The following HIRA variants were observed in gnomAD, a reference collection of about 807,000 sequenced individuals.
HIRA encodes protein HIRA.
In HIRA, 13 loss-of-function variants were observed where a neutral mutation model predicts 126.6. The observed-to-expected ratio is 0.10, with a 90% CI of 0.07 to 0.16. HIRA has a LOEUF of 0.16. Among genes scored for constraint, HIRA ranks in the 10% least tolerant of loss-of-function variants. The probability of loss-of-function intolerance (pLI) is 1.00; values close to 1 mark genes in which losing one functional copy is unlikely to be tolerated. For synonymous variants in HIRA, 511 were observed against 520.0 expected (o/e 0.98, Z 0.24); for missense variants, 834 against 1,314.4 (o/e 0.63, Z 5.65).
At chr22:19,390,208 T>A (rs2089165662) in intron 9 of HIRA, among the ~76,000 whole-genome samples, 1 of 151,998 alleles carries the variant, frequency 6.6e-6, no homozygotes, top group East Asian at 1.9e-4. Flanking sequence ...TACCCTTGGG[T>A]TCTCACTCGC....
At chr22:19,410,388 G>A (rs189217226) in intron 2 of HIRA, among the ~76,000 whole-genome samples, 2 of 152,176 alleles carry the variant, frequency 1.3e-5, no homozygotes, top group African/African-American at 4.8e-5. Flanking sequence ...CAGAGCCCTT[G>A]TCTCTGGGGC....
intron 2 of HIRA, among the ~76,000 whole-genome samples, chr22:19,410,132 G>T (rs2089340649): frequency 6.6e-6 from 1 of 152,224 alleles, no homozygotes; most frequent in Non-Finnish European, 1.5e-5. Flanking sequence ...TGGTATTGTG[G>T]CATGAAGAAC....
In HIRA at chr22:19,430,757, A is replaced by G. The variant is rs188970527; in HGVS notation, c.37+683T>C. On this transcript the variant is annotated intron_variant, in intron 1 of 24. Transcript: ENST00000263208. ...TGATTACCACTAGCCTCTCTGTATC[A>G]GAGTCAAGATATGGGGTGGATGAGT... Among the ~76,000 whole-genome samples the G allele has an allele frequency of 3.5e-3, 528 of 152,278 alleles. 3 individuals carry two copies. The highest frequency in any genetic ancestry group is 0.012 in the African/African-American group (512 of 41,552).
intron 5 of HIRA, among the ~76,000 whole-genome samples, chr22:19,402,763 T>C (rs1339711395): frequency 6.6e-6 from 1 of 152,182 alleles, no homozygotes; most frequent in Admixed American, 6.5e-5. Context: ...CTGTGAACTG[T>C]AATATTTGCC....
intron 5 of HIRA, chr22:19,399,119 C>T: frequency 2.0e-6 from 2 of 985,420 alleles, no homozygotes; most frequent in Non-Finnish European, 2.4e-6. Flanking sequence ...ATGGTGCCAA[C>T]CTTGCCTATC....
chr22:19,359,599 G>C, intron 17 of HIRA, 115 bp from the exon 18 acceptor site: 1 of 1,218,900 alleles, frequency 8.2e-7, no homozygotes. Context: ...AGGCAGACTG[G>C]CTGGCCAAGA....
At chr22:19,353,285 G>T in intron 23 of HIRA, 71 bp downstream of exon 23, 1 of 1,570,936 alleles carries the variant, frequency 6.4e-7, no homozygotes, top group South Asian at 1.1e-5. Context: ...TGATTTCACA[G>T]GGACTAAGTG....
At chr22:19,399,817 G>A (rs533756221) in intron 5 of HIRA, among the ~76,000 whole-genome samples, 10 of 152,222 alleles carry the variant, frequency 6.6e-5, no homozygotes, top group Non-Finnish European at 8.8e-5. Flanking sequence ...TAGTGAAAGC[G>A]TTTGTCTCTT....
intron 18 of HIRA, 22 bp from the exon 19 acceptor site, chr22:19,357,073 A>C: frequency 6.2e-7 from 1 of 1,613,120 alleles, no homozygotes; most frequent in South Asian, 1.1e-5. Context: ...GAGTGGGGGC[A>C]GGTGTCATGG....
At chr22:19,405,732 T>A (rs2089302941) in intron 5 of HIRA, 54 bp downstream of exon 5, 2 of 1,257,162 alleles carry the variant, frequency 1.6e-6, no homozygotes, top group South Asian at 4.3e-5. Context: ...GCGGTGCTGC[T>A]GATCTGAGCC....
intron 8 of HIRA, among the ~76,000 whole-genome samples, 170 bp downstream of exon 8, chr22:19,394,172 C>A (rs1231642245): frequency 6.6e-6 from 1 of 152,232 alleles, no homozygotes; most frequent in Non-Finnish European, 1.5e-5. Flanking sequence ...TAACCCAAGA[C>A]TGATTTTGGT....
intron 15 of HIRA, among the ~76,000 whole-genome samples, 194 bp from the exon 16 acceptor site, chr22:19,362,125 T>C (rs774629451): frequency 2.0e-5 from 3 of 152,198 alleles, no homozygotes; most frequent in African/African-American, 7.2e-5. Context: ...CCGGAATCTG[T>C]TGCCAGAAGA....
intron 5 of HIRA, among the ~76,000 whole-genome samples, chr22:19,401,328 C>T (rs1046112713): frequency 1.3e-5 from 2 of 152,178 alleles, no homozygotes; most frequent in Non-Finnish European, 2.9e-5. Context: ...CAGGGTCTCG[C>T]TATGATGCCC....
chr22:19,410,592 T>G, intron 2 of HIRA, 124 bp downstream of exon 2: 2 of 727,410 alleles, frequency 2.7e-6, no homozygotes, highest in South Asian at 3.3e-5. Flanking sequence ...AACTGTACAT[T>G]TTAAACAGCG....
At chr22:19,359,555 T>G in intron 17 of HIRA, 71 bp from the exon 18 acceptor site, 8 of 1,409,018 alleles carry the variant, frequency 5.7e-6, no homozygotes, top group Non-Finnish European at 7.4e-6. Flanking sequence ...CAAGGCTCTG[T>G]AGCCTGGGGC....
chr22:19,421,295 G>A (rs1384487238), intron 1 of HIRA, among the ~76,000 whole-genome samples: 2 of 78,126 alleles, frequency 2.6e-5, no homozygotes, highest in South Asian at 5.8e-4. Flanking sequence ...GCGAAACTCC[G>A]TCTCAAAAAA....
At chr22:19,397,532 G>A (rs1033296231) in intron 6 of HIRA, among the ~76,000 whole-genome samples, 25 of 152,326 alleles carry the variant, frequency 1.6e-4, no homozygotes, top group African/African-American at 6.0e-4. Flanking sequence ...AATTTTACTA[G>A]TTATAAACTG....
chr22:19,356,251 A>C lies in HIRA; in HGVS notation c.2434T>G (p.Ser812Ala). The C allele has an allele frequency of 6.2e-7, 1 of 1,613,578 alleles. No individual in the cohort carries two copies. The highest frequency in any genetic ancestry group is 8.5e-7 in the Non-Finnish European group (1 of 1,179,856). Residue 812 changes from serine to alanine, a missense_variant, in exon 20 of 25, where the codon TCT becomes GCT. Ser to Ala is a moderately conservative substitution (Grantham distance 99). Around this residue, in one of 5 missense-constraint regions of HIRA, gnomAD observed 468 missense variants for 574.2 expected, o/e 0.82. Coordinates refer to ENST00000263208, the MANE Select transcript of HIRA (RefSeq NM_003325.4). ...TTACCTGCCAGGATGGAGTGTAGAG[A>C]CTCTTCTTTCACCACAACCACCTGT... Reference protein sequence around the residue: ...HRQVVVVKEESLHSILAGSDM... With the variant: ...HRQVVVVKEEALHSILAGSDM...
chr22:19,371,292 C>T (rs576062024), intron 15 of HIRA, among the ~76,000 whole-genome samples: 1 of 152,330 alleles, frequency 6.6e-6, no homozygotes, highest in Non-Finnish European at 1.5e-5. Context: ...CTCCTCACCT[C>T]TGTGCCACTC....
Sources: allele counts gnomAD v4.1 joint callset (sites outside exome capture counted in the v4.1 genomes callset), GRCh38; gene constraint gnomAD v4.1.1; regional missense constraint gnomAD v4.1.1; transcripts MANE v1.5; gene names NCBI Gene and HGNC (gene_info 2026-07-23, HGNC 2026-07-21).